Variants in PTPRT observed in about 807,000 individuals in gnomAD.
PTPRT encodes receptor-type tyrosine-protein phosphatase T.
Under a neutral mutation model 176.8 loss-of-function variants are expected in PTPRT, and 56 were observed. The ratio of observed to expected loss-of-function variants is 0.32; its 90% CI spans 0.26 to 0.40. The LOEUF is 0.40. Ranked by LOEUF, PTPRT falls within the 10% of genes least tolerant of loss-of-function variation. The probability of loss-of-function intolerance (pLI) is 1.00; values close to 1 mark genes in which losing one functional copy is unlikely to be tolerated. For missense variants in PTPRT, 1,540 were observed against 1,908.2 expected, an observed-to-expected ratio of 0.81 and a Z score of 3.60; for synonymous variants, 783 against 739.0, an observed-to-expected ratio of 1.06 and a Z score of -0.96.
chr20:42,471,565 C>T (rs556526760), intron 8 of PTPRT, among the ~76,000 whole-genome samples: 3 of 152,274 alleles, frequency 2.0e-5, no homozygotes, highest in South Asian at 4.1e-4. Context: ...GCTTTCTGTA[C>T]AGCTGCAGAA....
At chr20:42,626,689 C>A (rs1425827359) in intron 7 of PTPRT, among the ~76,000 whole-genome samples, 15 of 152,022 alleles carry the variant, frequency 9.9e-5, no homozygotes, top group Admixed American at 9.8e-4. Flanking sequence ...GAGAAACGGG[C>A]CCCCTGGGAG....
intron 7 of PTPRT, among the ~76,000 whole-genome samples, chr20:42,517,611 A>T (rs1182851577): frequency 6.6e-6 from 1 of 151,996 alleles, no homozygotes; most frequent in African/African-American, 2.4e-5. Flanking sequence ...ATCTTTGCTA[A>T]CATAAACATT....
chr20:42,976,483 G>A (rs1397413743), intron 1 of PTPRT, among the ~76,000 whole-genome samples: 1 of 151,778 alleles, frequency 6.6e-6, no homozygotes, highest in African/African-American at 2.4e-5. Flanking sequence ...TCGGCTTAGT[G>A]CAACCTCCGC....
chr20:42,840,148 C>T (rs1368945707), intron 2 of PTPRT, among the ~76,000 whole-genome samples: 1 of 152,144 alleles, frequency 6.6e-6, no homozygotes, highest in East Asian at 1.9e-4. Context: ...CTCCTCCTAA[C>T]TTCTCGTGGT....
chr20:42,050,198 G>A, the PTPRT span, among the ~76,000 whole-genome samples: 1 of 152,110 alleles, frequency 6.6e-6, no homozygotes. Context: ...CTCCCCTTTC[G>A]TGGTCTCCGT....
intron 1 of PTPRT, among the ~76,000 whole-genome samples, chr20:43,026,667 T>C (rs1985925376): frequency 6.6e-6 from 1 of 152,224 alleles, no homozygotes; most frequent in Non-Finnish European, 1.5e-5. Context: ...CCTGTTGTAC[T>C]ATCACATAGT....
chr20:42,643,196 A>C (rs139164351), intron 7 of PTPRT, among the ~76,000 whole-genome samples: 1 of 152,178 alleles, frequency 6.6e-6, no homozygotes. Context: ...CACACATACT[A>C]TTTTCTTCAT....
At chr20:42,826,260 T>C (rs1175103338) in intron 2 of PTPRT, among the ~76,000 whole-genome samples, 1 of 152,142 alleles carries the variant, frequency 6.6e-6, no homozygotes, top group Non-Finnish European at 1.5e-5. Context: ...CCTTCATGAG[T>C]GCAGAAGGCT....
At chr20:42,846,452 G>A (rs554475506) in intron 2 of PTPRT, among the ~76,000 whole-genome samples, 9 of 152,320 alleles carry the variant, frequency 5.9e-5, no homozygotes, top group Non-Finnish European at 1.3e-4. Context: ...TGTACCAGAT[G>A]TTCGCCATGG....
intron 15 of PTPRT, among the ~76,000 whole-genome samples, chr20:42,208,090 G>A (rs896638440): frequency 7.8e-6 from 1 of 128,396 alleles, no homozygotes; most frequent in African/African-American, 3.2e-5. Context: ...ACAAGCAAAT[G>A]CTGAGAGATT....
chr20:42,046,381 T>C, the PTPRT span, among the ~76,000 whole-genome samples: 14 of 152,254 alleles, frequency 9.2e-5, no homozygotes, highest in Non-Finnish European at 1.9e-4. Context: ...TGCTTATCTC[T>C]GCCAGGAGTT....
chr20:43,160,874 T>C (rs1368996151), intron 1 of PTPRT, among the ~76,000 whole-genome samples: 2 of 151,128 alleles, frequency 1.3e-5, no homozygotes, highest in Admixed American at 6.6e-5. Context: ...CACCTTGTGA[T>C]AGCAATTCAC....
chr20:42,890,789 T>A (rs1036383165), intron 1 of PTPRT, among the ~76,000 whole-genome samples: 4 of 152,212 alleles, frequency 2.6e-5, no homozygotes, highest in African/African-American at 4.8e-5. Context: ...TGATACAGTT[T>A]GGCTGTGTCC....
chr20:42,995,062 A>C (rs1984147571), intron 1 of PTPRT, among the ~76,000 whole-genome samples: 1 of 152,228 alleles, frequency 6.6e-6, no homozygotes, highest in Non-Finnish European at 1.5e-5. Flanking sequence ...TCTGCTTATA[A>C]AAGGTGAGGC....
At chr20:42,453,635 A>C (rs1277555654) in intron 8 of PTPRT, among the ~76,000 whole-genome samples, 1 of 151,150 alleles carries the variant, frequency 6.6e-6, no homozygotes, top group Non-Finnish European at 1.5e-5. Flanking sequence ...TAGGTACTAC[A>C]GGTACTATCC....
Position 42,885,930 on chromosome 20 carries a change from C to T in PTPRT, c.91G>A (p.Gly31Ser). The part of the protein sequence containing the change: ...PGARAQSAAG[G>S]CSFDEHYSNC... ...CTGTAGTGCTCATCAAAGGAACAGC[C>T]ACCTGTAGACAAAAGAGATATGGGT... The change falls in exon 2 of 31, where the codon GGC (glycine) becomes AGC (serine). Residue 31 changes from glycine to serine, a missense_variant and splice_region_variant. Around this residue, in one of 11 missense-constraint regions of PTPRT, gnomAD observed 116 missense variants for 118.5 expected, o/e 0.98. Coordinates refer to ENST00000373187, the MANE Select transcript of PTPRT (RefSeq NM_007050.6). The T allele has an allele frequency of 6.2e-7, 1 of 1,603,900 alleles. No individual in the cohort carries two copies. Among genetic ancestry groups the T allele is most frequent in the Non-Finnish European group, 8.5e-7 (1 of 1,173,382 alleles).
At chr20:42,384,485 C>T (rs1316110250) in intron 9 of PTPRT, among the ~76,000 whole-genome samples, 1 of 152,126 alleles carries the variant, frequency 6.6e-6, no homozygotes, top group Non-Finnish European at 1.5e-5. Flanking sequence ...GAATAGACCC[C>T]ATTTTCTTTA....
At position 42,771,561 on chromosome 20, in the gene PTPRT, A is replaced by T; in HGVS notation, c.569-11T>A. On this transcript the variant is annotated splice_polypyrimidine_tract_variant and intron_variant, in intron 4 of 30. Coordinates refer to ENST00000373187, the MANE Select transcript of PTPRT (RefSeq NM_007050.6). Reference sequence around the variant, plus strand: ...AATGAGGTGCTTTTCCTAAGAGAGAAACCAAAGAACACAAGAGAATGAGAT... The same window carrying T: ...AATGAGGTGCTTTTCCTAAGAGAGATACCAAAGAACACAAGAGAATGAGAT... 1.9e-6 allele frequency: 3 copies of T among 1,605,036 alleles called. No individual in the cohort carries two copies. The highest frequency in any genetic ancestry group is 2.6e-6 in the Non-Finnish European group (3 of 1,171,748).
chr20:42,610,087 T>C (rs1274364520), intron 7 of PTPRT, among the ~76,000 whole-genome samples: 2 of 152,308 alleles, frequency 1.3e-5, no homozygotes, highest in Non-Finnish European at 2.9e-5. Context: ...ACTTTCCTTC[T>C]CTGGAACACC....
Sources: allele counts gnomAD v4.1 joint callset (sites outside exome capture counted in the v4.1 genomes callset), GRCh38; gene constraint gnomAD v4.1.1; regional missense constraint gnomAD v4.1.1; transcripts MANE v1.5; gene names NCBI Gene and HGNC (gene_info 2026-07-23, HGNC 2026-07-21).